ADGRF3: variants seen among roughly 807,000 people sequenced by gnomAD.
ADGRF3 encodes the protein adhesion G protein-coupled receptor F3.
A neutral mutation model predicts 93.2 loss-of-function variants in ADGRF3; 85 were observed. That is an observed-to-expected ratio of 0.91 (90% CI 0.77 to 1.09). ADGRF3 has a LOEUF of 1.09. ADGRF3 is among the 50% of genes least tolerant of loss of function. The pLI, the probability that ADGRF3 is intolerant of heterozygous loss-of-function variation, is 0.00. For missense variants in ADGRF3, 1,125 were observed against 1,246.2 expected, an observed-to-expected ratio of 0.90 and a Z score of 1.46; for synonymous variants, 534 against 532.5, an observed-to-expected ratio of 1.00 and a Z score of -0.04.
intron 5 of ADGRF3, 71 bp downstream of exon 5, chr2:26,315,451 G>A: frequency 2.0e-6 from 3 of 1,474,134 alleles, no homozygotes; most frequent in Non-Finnish European, 2.7e-6. Context: ...AAGGAAAGCA[G>A]AGAAGGAAGA....
At chr2:26,334,196 T>C (rs1399910222) in intron 1 of ADGRF3, among the ~76,000 whole-genome samples, 1 of 150,338 alleles carries the variant, frequency 6.7e-6, no homozygotes, top group Non-Finnish European at 1.5e-5. Context: ...AGCACACAGC[T>C]ATAGTCCCAG....
intron 1 of ADGRF3, among the ~76,000 whole-genome samples, chr2:26,331,410 C>T (rs896342964): frequency 6.6e-6 from 1 of 152,148 alleles, no homozygotes; most frequent in Non-Finnish European, 1.5e-5. Flanking sequence ...ATTAGCTGGG[C>T]GGGGTGGCAC....
rs765385230 is a variant in ADGRF3 at position 26,310,859 on chromosome 2, A to G, written c.2665T>C (p.Ser889Pro). ...AMLKLLRPSL[S>P]EGPPAEKRQA... ...CGCTTCTCTGCTGGGGGTCCCTCTG[A>G]CAGCGAAGGTCTCAGCAACTTCAGC... is the stretch of plus-strand genomic sequence containing the variant. Residue 889 changes from serine to proline, a missense_variant, in exon 10 of 14, where the codon TCA (serine) becomes CCA (proline). Ser to Pro is a moderately conservative substitution (Grantham distance 74, BLOSUM62 -1). Coordinates refer to ENST00000651242, the MANE Select transcript of ADGRF3 (RefSeq NM_001321971.2). 6.2e-7 allele frequency: 1 copy of G among 1,612,924 alleles called. No homozygotes were observed. Among genetic ancestry groups the G allele is most frequent in the Non-Finnish European group, 8.5e-7 (1 of 1,179,454 alleles).
In ADGRF3 at chr2:26,327,551, C is replaced by CTT. The variant is rs34569687; in HGVS notation, c.115-9991_115-9990dup. ...TAACAGAATACCACAGACTGGGTAA[C>CTT]TTTTTTTTTTTTAAATAAGGCATTT... On this transcript the variant is annotated intron_variant, in intron 1 of 13. Coordinates refer to ENST00000651242, the MANE Select transcript of ADGRF3 (RefSeq NM_001321971.2). Among the ~76,000 whole-genome samples, 1,378 of 148,326 alleles carry CTT rather than the reference C, an allele frequency of 9.3e-3. 22 individuals carry two copies. Among genetic ancestry groups the CTT allele is most frequent in the African/African-American group, 0.026 (1,065 of 40,516 alleles).
At chr2:26,332,399 T>C (rs879039252) in intron 1 of ADGRF3, among the ~76,000 whole-genome samples, 2 of 152,060 alleles carry the variant, frequency 1.3e-5, no homozygotes, top group Admixed American at 6.6e-5. Context: ...GCCAACAAAC[T>C]AGAGAGCAAC....
At chr2:26,318,472 T>C (rs1030194631) in intron 1 of ADGRF3, among the ~76,000 whole-genome samples, 1 of 152,078 alleles carries the variant, frequency 6.6e-6, no homozygotes, top group Non-Finnish European at 1.5e-5. Flanking sequence ...GATACAGATA[T>C]ATATTTACAT....
intron 6 of ADGRF3, 114 bp downstream of exon 6, chr2:26,314,300 C>A: frequency 1.0e-6 from 1 of 970,648 alleles, no homozygotes; most frequent in Non-Finnish European, 1.5e-6. Context: ...CCTTGGACCC[C>A]ACTCTCTGGT....
In ADGRF3 at chr2:26,346,448, C is replaced by G; in HGVS notation, c.-214G>C. On this transcript the variant is annotated 5_prime_UTR_variant, in exon 1 of 14. Coordinates refer to ENST00000651242, the MANE Select transcript of ADGRF3 (RefSeq NM_001321971.2). ...CCTGCGGGTCCTGGGGATTGGGGGT[C>G]GGGGAGCGTGGGAGCATCCTAAGCC... 1 of 900,688 alleles carries G rather than the reference C, an allele frequency of 1.1e-6. No individual in the cohort carries two copies. 55.8% of individuals were successfully genotyped at this position (900,688 alleles called of 1,614,324 possible).
Position 26,308,758 on chromosome 2 carries a change from T to G in ADGRF3, c.*328A>C. ...TTATCAAATATATTCATTCACAACATGTATTGTTGTAGTTAAAAACTGGTT... is the reference window on the plus strand; with the variant it reads ...TTATCAAATATATTCATTCACAACAGGTATTGTTGTAGTTAAAAACTGGTT... On this transcript the variant is annotated 3_prime_UTR_variant, in exon 14 of 14. Transcript: ENST00000651242. 6.3e-6 allele frequency: 2 copies of G among 317,000 alleles called. No individual in the cohort carries two copies. Among genetic ancestry groups the G allele is most frequent in the Non-Finnish European group, 1.2e-5 (2 of 172,912 alleles). The allele number at this position is 317,000 out of a possible 1,614,324, so 19.6% of individuals were successfully genotyped here.
rs774193887 is a variant in ADGRF3 at position 26,314,470 on chromosome 2, A to T, written c.872T>A (p.Ile291Asn). 4.3e-6 allele frequency: 7 copies of T among 1,613,848 alleles called. No homozygotes were observed. Among genetic ancestry groups the T allele is most frequent in the Non-Finnish European group, 5.9e-6 (7 of 1,179,898 alleles). ...GGTGTAGGCCAGGTTTGTGCTGGGG[A>T]TGCAGCAGCTCAGCTGGAAGCCAGG... The part of the protein sequence containing the change: ...TSPGFQLSCC[I>N]PSTNLAYTAA... The change falls in exon 6 of 14, where the codon ATC becomes AAC. Residue 291 changes from isoleucine (I) to asparagine (N), a missense_variant. By Grantham distance (149) the Ile-to-Asn change is moderately radical. Transcript: ENST00000651242.
chr2:26,344,806 G>A (rs1421794809), intron 1 of ADGRF3, among the ~76,000 whole-genome samples: 1 of 152,180 alleles, frequency 6.6e-6, no homozygotes, highest in South Asian at 2.1e-4. Flanking sequence ...ATTCCAGCCT[G>A]GGTGAGTCAG....
At position 26,309,560 on chromosome 2, in the gene ADGRF3, AG is replaced by A. The variant is rs1240083379; in HGVS notation, c.2958del (p.Leu987TrpfsTer57). 3.7e-6 allele frequency: 6 copies of A among 1,612,712 alleles called. No individual in the cohort carries two copies. Among genetic ancestry groups the A allele is most frequent in the Non-Finnish European group, 5.1e-6 (6 of 1,179,580 alleles). On this transcript the variant is annotated frameshift_variant, in exon 13 of 14. Coordinates refer to ENST00000651242, the MANE Select transcript of ADGRF3 (RefSeq NM_001321971.2). LOFTEE classifies it low-confidence loss of function (END_TRUNC). ...TISLATNEGC[I>X]LEHSKGGSDT... ...TCGCTTCCTCCTTTGCTGTGTTCCAAGATGCAGCCTTCATTTGTGGCCTAGG... is the reference window on the plus strand; with the variant it reads ...TCGCTTCCTCCTTTGCTGTGTTCCAAATGCAGCCTTCATTTGTGGCCTAGG...
rs1032131510 is a variant in ADGRF3, at chr2:26,314,465, T to A, written c.877A>T (p.Ser293Cys). ...PGFQLSCCIP[S>C]TNLAYTAAWS... ...GCCGCGGTGTAGGCCAGGTTTGTGCTGGGGATGCAGCAGCTCAGCTGGAAG... is the reference window on the plus strand; with the variant it reads ...GCCGCGGTGTAGGCCAGGTTTGTGCAGGGGATGCAGCAGCTCAGCTGGAAG... Residue 293 changes from serine to cysteine, a missense_variant, in exon 6 of 14, where the codon AGC becomes TGC. Physicochemically the swap from Ser to Cys is moderately radical, Grantham distance 112. Coordinates refer to ENST00000651242, the MANE Select transcript of ADGRF3 (RefSeq NM_001321971.2). 6.2e-7 allele frequency: 1 copy of A among 1,613,968 alleles called. No homozygotes were observed. Among genetic ancestry groups the A allele is most frequent in the African/African-American group, 1.3e-5 (1 of 75,048 alleles).
intron 1 of ADGRF3, chr2:26,340,403 ACTTT>A (rs1279414787): frequency 6.6e-6 from 1 of 151,964 alleles, no homozygotes; most frequent in Non-Finnish European, 1.5e-5. Flanking sequence ...TCTCCTAGTG[ACTTT>A]CTCTTTCACC....
At chr2:26,309,265 C>G (rs1052851768) in intron 13 of ADGRF3, 158 bp from the exon 14 acceptor site, 1 of 1,578,756 alleles carries the variant, frequency 6.3e-7, no homozygotes, top group African/African-American at 1.3e-5. Flanking sequence ...TTCAGAGAAA[C>G]CAAGTCAAGG....
At chr2:26,318,961 C>T (rs1352254293) in intron 1 of ADGRF3, 1 of 1,551,756 alleles carries the variant, frequency 6.4e-7, no homozygotes, top group Admixed American at 2.0e-5. Flanking sequence ...CCCAGTCTCA[C>T]TTACAGGTTG....
chr2:26,324,183 CAAAG>C (rs1450831413), intron 1 of ADGRF3, among the ~76,000 whole-genome samples: 12 of 152,232 alleles, frequency 7.9e-5, no homozygotes, highest in African/African-American at 2.9e-4. Context: ...CCCAGGAGGT[CAAAG>C]CCACAGTGAG....
rs1676767186 is a variant in ADGRF3 at position 26,346,495 on chromosome 2, C to T, written c.-261G>A. 1 of 532,700 alleles carries T rather than the reference C, an allele frequency of 1.9e-6. No individual in the cohort carries two copies. The highest frequency in any genetic ancestry group is 3.2e-6 in the Non-Finnish European group (1 of 312,968). 33.0% of individuals were successfully genotyped at this position (532,700 alleles called of 1,614,324 possible). On this transcript the variant is annotated 5_prime_UTR_variant, in exon 1 of 14. Coordinates refer to ENST00000651242, the MANE Select transcript of ADGRF3 (RefSeq NM_001321971.2). ...AGCCCGCCGCCCGTAGTCGGCACCC[C>T]CCGGGAGATTTCCTTTTCCTTAGGA... is the stretch of plus-strand genomic sequence containing the variant.
rs1303756076 is a variant in ADGRF3, at chr2:26,336,791, C to T, written c.114+9330G>A. On this transcript the variant is annotated intron_variant, in intron 1 of 13. Coordinates refer to ENST00000651242, the MANE Select transcript of ADGRF3 (RefSeq NM_001321971.2). ...AAGGGAGGAAGTTTCAAGGAAATAA[C>T]AGTGGGCAGGATAAGTGGAAGACAA... Among the ~76,000 whole-genome samples the T allele has an allele frequency of 3.0e-5, 3 of 100,446 alleles. No individual in the cohort carries two copies. The Admixed American group carries it at 3.2e-4, about 11-fold the overall frequency. 65.9% of individuals were successfully genotyped at this position (100,446 alleles called of 152,430 possible). A position where few individuals can be genotyped will look rare whatever the true frequency, so the allele number is the denominator to read the frequency against.
Sources: gnomAD v4.1 joint callset for allele counts (sites outside exome capture counted in the v4.1 genomes callset) on GRCh38, gnomAD v4.1.1 for gene constraint, MANE v1.5 for transcripts, NCBI Gene and HGNC (gene_info 2026-07-23, HGNC 2026-07-21) for gene names.